ERC2: variants seen among roughly 807,000 people sequenced by gnomAD.
ERC2 encodes the protein ELKS/RAB6-interacting/CAST family member 2.
In ERC2, 42 loss-of-function variants were observed where a neutral mutation model predicts 114.8. The ratio of observed to expected loss-of-function variants is 0.37; its 90% CI spans 0.29 to 0.47. ERC2 has a LOEUF of 0.47. ERC2 is among the 20% of genes least tolerant of loss of function. The pLI is 0.99. For synonymous variants in ERC2, 454 were observed against 425.5 expected, an observed-to-expected ratio of 1.07 and a Z score of -0.82; for missense variants, 939 against 1,150.7, an observed-to-expected ratio of 0.82 and a Z score of 2.66.
intron 2 of ERC2, among the ~76,000 whole-genome samples, chr3:56,329,213 A>AAATTTGTT (rs1419839843): frequency 1.3e-5 from 2 of 152,218 alleles, no homozygotes; most frequent in African/African-American, 4.8e-5. Context: ...CCTAAATTAT[A>AAATTTGTT]AATTTGTTTT....
intron 4 of ERC2, among the ~76,000 whole-genome samples, chr3:56,170,763 ATTTTTT>A (rs71099618): frequency 8.4e-6 from 1 of 118,606 alleles, no homozygotes; most frequent in Non-Finnish European, 1.7e-5. Context: ...CACCTGGCTA[ATTTTTT>A]TTTTTTTTTT....
intron 13 of ERC2, among the ~76,000 whole-genome samples, chr3:55,948,316 T>C (rs12635043): frequency 0.29 from 44,480 of 152,128 alleles, 7,563 homozygotes; most frequent in Non-Finnish European, 0.36. Flanking sequence ...AATTAACAGG[T>C]GCCAATGCCA....
intron 15 of ERC2, among the ~76,000 whole-genome samples, chr3:55,730,316 C>T (rs773549768): frequency 5.0e-4 from 76 of 152,260 alleles, no homozygotes; most frequent in Non-Finnish European, 8.7e-4. Flanking sequence ...GACAAAATAT[C>T]TGTTATAGAT....
chr3:55,876,771 G>C (rs754920015), intron 14 of ERC2, among the ~76,000 whole-genome samples: 1 of 152,144 alleles, frequency 6.6e-6, no homozygotes, highest in African/African-American at 2.4e-5. Context: ...AGGTCTTTTG[G>C]ATTCCAGCCA....
At chr3:55,890,175 A>AG (rs2063537413) in intron 13 of ERC2, among the ~76,000 whole-genome samples, 1 of 152,242 alleles carries the variant, frequency 6.6e-6, no homozygotes, top group African/African-American at 2.4e-5. Flanking sequence ...AGTTCACAGA[A>AG]CATCACAAAT....
chr3:55,673,373 G>A (rs1404134690), intron 17 of ERC2, among the ~76,000 whole-genome samples: 3 of 152,008 alleles, frequency 2.0e-5, no homozygotes, highest in African/African-American at 7.2e-5. Context: ...TCACGAGGTC[G>A]AGAGATTGAG....
chr3:56,277,593 C>G (rs2054085561), intron 3 of ERC2, among the ~76,000 whole-genome samples: 1 of 152,064 alleles, frequency 6.6e-6, no homozygotes, highest in Non-Finnish European at 1.5e-5. Flanking sequence ...CTTTCCCTGT[C>G]TATTCCCACT....
chr3:56,213,235 G>A (rs62253567), intron 3 of ERC2, among the ~76,000 whole-genome samples: 31,982 of 152,126 alleles, frequency 0.21, 3,916 homozygotes, highest in East Asian at 0.51. Flanking sequence ...CACCCAGGAA[G>A]TGCAAGGGGT....
At chr3:56,197,870 A>G (rs2048194528) in intron 3 of ERC2, among the ~76,000 whole-genome samples, 1 of 152,240 alleles carries the variant, frequency 6.6e-6, no homozygotes, top group Admixed American at 6.5e-5. Flanking sequence ...TGGGTTCACA[A>G]GACTTTACAG....
intron 2 of ERC2, among the ~76,000 whole-genome samples, chr3:56,430,540 C>CA (rs2061747607): frequency 6.6e-6 from 1 of 152,202 alleles, no homozygotes; most frequent in Admixed American, 6.5e-5. Flanking sequence ...GATAACACTG[C>CA]ACTTTGGGAG....
chr3:56,032,188 A>G (rs990715346), intron 7 of ERC2, among the ~76,000 whole-genome samples: 1 of 152,232 alleles, frequency 6.6e-6, no homozygotes, highest in African/African-American at 2.4e-5. Context: ...TGCTTCTTGT[A>G]CAGCCTACAA....
chr3:56,144,946 G>A (rs1344635893), intron 5 of ERC2, among the ~76,000 whole-genome samples: 1 of 152,040 alleles, frequency 6.6e-6, no homozygotes, highest in East Asian at 1.9e-4. Flanking sequence ...ACATACATGA[G>A]AACTGAGGCC....
At chr3:55,540,501 G>A (rs1434360208) in intron 17 of ERC2, among the ~76,000 whole-genome samples, 2 of 152,192 alleles carry the variant, frequency 1.3e-5, no homozygotes, top group Non-Finnish European at 2.9e-5. Context: ...AATGGTCTAT[G>A]CTCATTTGGG....
At chr3:56,435,676 T>C (rs1452602730) in intron 1 of ERC2, among the ~76,000 whole-genome samples, 1 of 152,242 alleles carries the variant, frequency 6.6e-6, no homozygotes, top group African/African-American at 2.4e-5. Flanking sequence ...ACAGTCTTCT[T>C]TTCCACTAGG....
intron 13 of ERC2, among the ~76,000 whole-genome samples, chr3:55,937,893 A>G (rs1213868299): frequency 6.6e-6 from 1 of 152,214 alleles, no homozygotes; most frequent in Admixed American, 6.5e-5. Flanking sequence ...TGGTCATCAG[A>G]GCCAGGGATA....
intron 12 of ERC2, among the ~76,000 whole-genome samples, chr3:55,965,416 C>T (rs1450309713): frequency 6.6e-6 from 1 of 152,132 alleles, no homozygotes; most frequent in Non-Finnish European, 1.5e-5. Flanking sequence ...CTAATGGCTG[C>T]CCTATTGGAC....
intron 17 of ERC2, among the ~76,000 whole-genome samples, chr3:55,577,838 A>G (rs1429393512): frequency 1.3e-5 from 2 of 152,142 alleles, no homozygotes; most frequent in African/African-American, 2.4e-5. Context: ...GATCCACTGG[A>G]GTGAAAGGAA....
At chr3:55,631,754 G>A (rs2059766656) in intron 17 of ERC2, among the ~76,000 whole-genome samples, 1 of 151,810 alleles carries the variant, frequency 6.6e-6, no homozygotes, top group South Asian at 2.1e-4. Flanking sequence ...AAAGATGTGG[G>A]GATTTTTATC....
intron 17 of ERC2, among the ~76,000 whole-genome samples, chr3:55,602,215 G>T (rs769424352): frequency 2.0e-5 from 3 of 152,178 alleles, no homozygotes; most frequent in South Asian, 4.1e-4. Context: ...GTCAAACTGC[G>T]TCCTGGACAG....
Sources: gnomAD v4.1 joint callset for allele counts (sites outside exome capture counted in the v4.1 genomes callset) on GRCh38, gnomAD v4.1.1 for gene constraint, MANE v1.5 for transcripts, NCBI Gene and HGNC (gene_info 2026-07-23, HGNC 2026-07-21) for gene names.